The following INSC variants were observed in gnomAD, a reference collection of about 807,000 sequenced individuals.
INSC encodes the protein INSC spindle orientation adaptor protein.
In INSC, 67 loss-of-function variants were observed where a neutral mutation model predicts 58.6. That is an observed-to-expected ratio of 1.14 (90% CI 0.94 to 1.40). INSC has a LOEUF of 1.40. Ranked by LOEUF, INSC falls within the 40% of genes most tolerant of loss-of-function variation. The pLI is 0.00. For missense variants in INSC, 714 were observed against 692.0 expected (o/e 1.03, Z -0.36); for synonymous variants, 262 against 276.1 (o/e 0.95, Z 0.51).
At chr11:15,248,068 A>G (rs148305154), downstream of INSC, among the ~76,000 whole-genome samples, 383 of 152,306 alleles carry the variant, frequency 2.5e-3, 2 homozygotes, top group African/African-American at 8.9e-3. Flanking sequence ...TGATACTGCA[A>G]TTGAAACAAT....
intron 7 of INSC, among the ~76,000 whole-genome samples, chr11:15,207,407 C>T (rs566836690): frequency 8.5e-5 from 13 of 152,098 alleles, no homozygotes; most frequent in Non-Finnish European, 1.6e-4. Flanking sequence ...GAGGGGAGAG[C>T]GGGGAGGACG....
the INSC span, among the ~76,000 whole-genome samples, chr11:15,258,149 T>A: frequency 6.6e-6 from 1 of 152,216 alleles, no homozygotes; most frequent in African/African-American, 2.4e-5. Context: ...CTATACTTTT[T>A]AAATATATAA....
Position 15,206,240 on chromosome 11 carries a change from A to C in INSC, c.819+5291A>C, listed in dbSNP as rs539485681. On this transcript the variant is annotated intron_variant, in intron 7 of 12. Coordinates refer to ENST00000379556, the MANE Select transcript of INSC (RefSeq NM_001042536.3). Reference sequence around the variant, plus strand: ...TGTCCCATGGCCATCAGAGGCTATAAGCAGGAGGCCCCACCTCTGGTGGGG... The same window carrying C: ...TGTCCCATGGCCATCAGAGGCTATACGCAGGAGGCCCCACCTCTGGTGGGG... Among the ~76,000 whole-genome samples, 7 of 152,302 alleles carry C rather than the reference A, an allele frequency of 4.6e-5. No individual in the cohort carries two copies. The East Asian group carries it at 1.4e-3, about 29-fold the overall frequency.
intron 7 of INSC, among the ~76,000 whole-genome samples, chr11:15,215,083 C>T (rs1171649985): frequency 3.3e-5 from 5 of 152,200 alleles, no homozygotes; most frequent in Non-Finnish European, 7.4e-5. Context: ...TCAGCATTCG[C>T]CAGCCCCTTC....
At position 15,178,366 on chromosome 11, in the gene INSC, G is replaced by GGCCT. The variant is rs1564887027; in HGVS notation, c.501_504dup (p.Val169LeufsTer4). 1 of 1,613,910 alleles carries GGCCT rather than the reference G, an allele frequency of 6.2e-7. No homozygotes were observed. On this transcript the variant is annotated frameshift_variant, in exon 5 of 13. Transcript: ENST00000379556. LOFTEE classifies it high-confidence loss of function. ...ATGAGCATGTCCTGAAGTCAATGAAGGCCTGCGTGAGTGAGACCCTGAGCA... is the reference window on the plus strand; with the variant it reads ...ATGAGCATGTCCTGAAGTCAATGAAGGCCTGCCTGCGTGAGTGAGACCCTGAGCA...
chr11:15,116,782 C>CT (rs1328270227), intron 1 of INSC, among the ~76,000 whole-genome samples: 2 of 132,168 alleles, frequency 1.5e-5, no homozygotes, highest in East Asian at 2.2e-4. Context: ...TTTTTTCTTC[C>CT]TTCCTTTCTT....
chr11:15,221,356 T>A, intron 7 of INSC, 121 bp from the exon 8 acceptor site: 1 of 1,193,124 alleles, frequency 8.4e-7, no homozygotes. Context: ...TCCTGGGCTG[T>A]TCTGGGAAGC....
At chr11:15,266,123 G>A in the INSC span, among the ~76,000 whole-genome samples, 1 of 151,864 alleles carries the variant, frequency 6.6e-6, no homozygotes. Flanking sequence ...CTTCTTAGAT[G>A]TGGAGAAGAA....
intron 1 of INSC, among the ~76,000 whole-genome samples, chr11:15,118,728 C>T (rs1847796537): frequency 6.6e-6 from 1 of 152,194 alleles, no homozygotes; most frequent in Non-Finnish European, 1.5e-5. Context: ...TGGTTGTCCC[C>T]TGGGCTTTAA....
chr11:15,229,992 TATATATATATATATATATATAATA>T lies in INSC; in HGVS notation c.1170+4165_1170+4188del, dbSNP rs1851835603. Among the ~76,000 whole-genome samples the T allele has an allele frequency of 6.6e-5, 2 of 30,162 alleles. 1 individual carries two copies. The highest frequency in any genetic ancestry group is 2.7e-4 in the African/African-American group (2 of 7,500). The allele number at this position is 30,162 out of a possible 152,430, so 19.8% of individuals were successfully genotyped here. On this transcript the variant is annotated intron_variant, in intron 9 of 12. Transcript: ENST00000379556. ...TATATATATATATTATATATATATATATATATATATATATATATATAATATATATATATATATATATATATATAA... is the reference window on the plus strand; with the variant it reads ...TATATATATATATTATATATATATATTATATATATATATATATATATATAA...
intron 9 of INSC, among the ~76,000 whole-genome samples, chr11:15,231,777 C>G (rs1210578004): frequency 6.6e-6 from 1 of 152,224 alleles, no homozygotes; most frequent in African/African-American, 2.4e-5. Flanking sequence ...GAGCACCTGT[C>G]TCTACTTGGG....
chr11:15,220,507 C>T (rs1462625613), intron 7 of INSC, among the ~76,000 whole-genome samples: 3 of 152,200 alleles, frequency 2.0e-5, no homozygotes, highest in Non-Finnish European at 4.4e-5. Flanking sequence ...GAGGCAGCAT[C>T]ACATCCTGTT....
At chr11:15,210,429 G>T (rs2133905254) in intron 7 of INSC, among the ~76,000 whole-genome samples, 1 of 152,180 alleles carries the variant, frequency 6.6e-6, no homozygotes. Flanking sequence ...TGTTGAGTGG[G>T]TGGTGTTCTT....
At chr11:15,180,861 G>A (rs1203185265) in intron 5 of INSC, among the ~76,000 whole-genome samples, 1 of 152,058 alleles carries the variant, frequency 6.6e-6, no homozygotes, top group Non-Finnish European at 1.5e-5. Flanking sequence ...ATATATTTTT[G>A]GCTGATCTTT....
At chr11:15,141,855 G>A (rs558722301) in intron 1 of INSC, among the ~76,000 whole-genome samples, 9 of 152,216 alleles carry the variant, frequency 5.9e-5, no homozygotes, top group African/African-American at 2.2e-4. Flanking sequence ...CTGACTGAAA[G>A]CTTGCACCTG....
At chr11:15,192,162 G>A (rs1448780060) in intron 6 of INSC, among the ~76,000 whole-genome samples, 1 of 152,206 alleles carries the variant, frequency 6.6e-6, no homozygotes, top group African/African-American at 2.4e-5. Context: ...CCAGGCTGAA[G>A]AGGAGCCCAG....
At chr11:15,264,758 G>C in the INSC span, among the ~76,000 whole-genome samples, 16 of 151,880 alleles carry the variant, frequency 1.1e-4, no homozygotes, top group Admixed American at 2.0e-4. Flanking sequence ...AGGTCAGTAG[G>C]CTTAATTACA....
At chr11:15,158,734 C>T (rs1182063351) in intron 2 of INSC, among the ~76,000 whole-genome samples, 1 of 152,102 alleles carries the variant, frequency 6.6e-6, no homozygotes, top group African/African-American at 2.4e-5. Flanking sequence ...ATACTACTTC[C>T]CTCACATGGC....
chr11:15,241,426 A>T, intron 12 of INSC: 1 of 528,960 alleles, frequency 1.9e-6, no homozygotes. Flanking sequence ...CGTTGTAGAA[A>T]CAGTGGGGCA....
Sources: gnomAD v4.1 joint callset for allele counts (sites outside exome capture counted in the v4.1 genomes callset) on GRCh38, gnomAD v4.1.1 for gene constraint, MANE v1.5 for transcripts, NCBI Gene and HGNC (gene_info 2026-07-23, HGNC 2026-07-21) for gene names.